Variants in ADAM18 observed in about 807,000 individuals in gnomAD.
ADAM18 encodes disintegrin and metalloproteinase domain-containing protein 18.
In ADAM18, 117 loss-of-function variants were observed where a neutral mutation model predicts 94.4. That is an observed-to-expected ratio of 1.24 (90% CI 1.07 to 1.45). The LOEUF (loss-of-function observed/expected upper bound fraction) is 1.45, where lower values mean the gene tolerates loss of function less well. Among genes scored for constraint, ADAM18 ranks in the 40% most tolerant of loss-of-function variants. ADAM18 has a pLI of 0.00. For synonymous variants in ADAM18, 327 were observed against 291.6 expected (o/e 1.12, Z -1.24); for missense variants, 936 against 880.0 (o/e 1.06, Z -0.81).
chr8:39,603,556 G>A (rs1818971120), intron 2 of ADAM18, among the ~76,000 whole-genome samples: 1 of 152,114 alleles, frequency 6.6e-6, no homozygotes, highest in Non-Finnish European at 1.5e-5. Flanking sequence ...ACAGTATAGT[G>A]TAAACATAAC....
chr8:39,671,724 T>C (rs901885156), intron 14 of ADAM18, among the ~76,000 whole-genome samples: 1 of 152,154 alleles, frequency 6.6e-6, no homozygotes, highest in Non-Finnish European at 1.5e-5. Flanking sequence ...ACACGAAGTG[T>C]ATTCTCATCA....
intron 17 of ADAM18, 27 bp from the exon 18 acceptor site, chr8:39,706,763 A>G (rs775680552): frequency 1.5e-6 from 2 of 1,344,666 alleles, no homozygotes; most frequent in South Asian, 2.4e-5. Flanking sequence ...AGACGACTCA[A>G]ACTGTTTCTG....
At chr8:39,611,657 C>T (rs954225617) in intron 6 of ADAM18, 1 of 886,910 alleles carries the variant, frequency 1.1e-6, no homozygotes, top group Non-Finnish European at 1.4e-6. Flanking sequence ...GTTGGACAAA[C>T]TGCACATTAA....
chr8:39,598,216 C>T (rs1477661682), intron 2 of ADAM18, among the ~76,000 whole-genome samples: 1 of 151,954 alleles, frequency 6.6e-6, no homozygotes, highest in African/African-American at 2.4e-5. Context: ...CATCTATGAA[C>T]AAAGACAGTT....
chr8:39,699,772 T>G (rs1014268217), intron 17 of ADAM18, among the ~76,000 whole-genome samples: 1 of 152,158 alleles, frequency 6.6e-6, no homozygotes, highest in Non-Finnish European at 1.5e-5. Flanking sequence ...AGAAGGATCT[T>G]CAAGGAGTGA....
At chr8:39,635,100 G>T (rs2129579224) in intron 7 of ADAM18, among the ~76,000 whole-genome samples, 1 of 152,258 alleles carries the variant, frequency 6.6e-6, no homozygotes, top group East Asian at 1.9e-4. Flanking sequence ...TCTGCCTTCT[G>T]CCATGTGAGG....
At chr8:39,707,484 T>C (rs926488825) in intron 18 of ADAM18, among the ~76,000 whole-genome samples, 2 of 152,224 alleles carry the variant, frequency 1.3e-5, no homozygotes, top group Non-Finnish European at 2.9e-5. Context: ...GTCTTTTCTG[T>C]CTTAACTAAG....
intron 9 of ADAM18, 111 bp from the exon 10 acceptor site, chr8:39,638,354 A>G: frequency 1.6e-6 from 1 of 608,194 alleles, no homozygotes; most frequent in Non-Finnish European, 2.8e-6. Flanking sequence ...TTGAAGCTTT[A>G]TATATTTGCA....
At chr8:39,703,527 G>C (rs934773565) in intron 17 of ADAM18, among the ~76,000 whole-genome samples, 1 of 151,954 alleles carries the variant, frequency 6.6e-6, no homozygotes, top group South Asian at 2.1e-4. Flanking sequence ...TGTTAAATAG[G>C]ATTGGTGAGA....
intron 16 of ADAM18, among the ~76,000 whole-genome samples, chr8:39,689,815 C>G (rs1450864039): frequency 6.6e-6 from 1 of 152,134 alleles, no homozygotes; most frequent in East Asian, 1.9e-4. Flanking sequence ...TATATTGATT[C>G]TTCCTGTCCT....
At chr8:39,613,247 C>A (rs1246616118) in intron 6 of ADAM18, among the ~76,000 whole-genome samples, 1 of 152,204 alleles carries the variant, frequency 6.6e-6, no homozygotes, top group African/African-American at 2.4e-5. Context: ...TTGTTGCCAG[C>A]ATATCAGGAA....
Position 39,609,515 on chromosome 8 carries a change from G to C in ADAM18, c.298G>C (p.Glu100Gln), listed in dbSNP as rs374296414. The change falls in exon 5 of 20, where the codon GAA (glutamate) becomes CAA (glutamine). Residue 100 changes from glutamate (E) to glutamine (Q), a missense_variant. Transcript: ENST00000265707. Reference sequence around the variant, plus strand: ...TTGCCATTACCAAGGATATGCTGCCGAATTTCCAAATTCATTTGTGACACT... The same window carrying C: ...TTGCCATTACCAAGGATATGCTGCCCAATTTCCAAATTCATTTGTGACACT... Reference protein sequence around the residue: ...MHCHYQGYAAEFPNSFVTLSI... With the variant: ...MHCHYQGYAAQFPNSFVTLSI... The C allele has an allele frequency of 1.2e-6, 2 of 1,610,994 alleles. No individual in the cohort carries two copies. The highest frequency in any genetic ancestry group is 1.7e-6 in the Non-Finnish European group (2 of 1,178,144).
intron 14 of ADAM18, among the ~76,000 whole-genome samples, chr8:39,671,529 G>A (rs1357065556): frequency 6.6e-6 from 1 of 152,296 alleles, no homozygotes; most frequent in Admixed American, 6.5e-5. Context: ...CTCTATATAA[G>A]TTTGAATTCC....
chr8:39,720,054 GTAAA>G (rs1186858462), intron 18 of ADAM18, among the ~76,000 whole-genome samples: 1 of 131,706 alleles, frequency 7.6e-6, no homozygotes, highest in East Asian at 2.0e-4. Flanking sequence ...TGGAAACAAT[GTAAA>G]TATAAATCAA....
At chr8:39,673,119 T>C (rs1821203082) in intron 14 of ADAM18, among the ~76,000 whole-genome samples, 1 of 152,196 alleles carries the variant, frequency 6.6e-6, no homozygotes, top group South Asian at 2.1e-4. Context: ...GTTGGCTATA[T>C]ATTACACACA....
At chr8:39,617,561 A>G (rs1355264217) in intron 6 of ADAM18, among the ~76,000 whole-genome samples, 1 of 152,208 alleles carries the variant, frequency 6.6e-6, no homozygotes, top group Non-Finnish European at 1.5e-5. Context: ...AGTACTATTC[A>G]CAGTAGCAAA....
Position 39,586,604 on chromosome 8 carries a change from G to A in ADAM18, c.132+1252G>A, listed in dbSNP as rs143671063. On this transcript the variant is annotated intron_variant, in intron 2 of 19. Coordinates refer to ENST00000265707, the MANE Select transcript of ADAM18 (RefSeq NM_014237.3). ...TAACTGGGTGTGGTGGTGTGTGCCTGTAGTCCCAGCTGTTCTGGAGGCTGA... is the reference window on the plus strand; with the variant it reads ...TAACTGGGTGTGGTGGTGTGTGCCTATAGTCCCAGCTGTTCTGGAGGCTGA... 7.2e-3 allele frequency among the ~76,000 whole-genome samples: 1,090 copies of A among 152,258 alleles called. 13 individuals carry two copies. Among genetic ancestry groups the A allele is most frequent in the African/African-American group, 0.025 (1,029 of 41,536 alleles).
chr8:39,664,868 A>G (rs556149887), intron 13 of ADAM18, among the ~76,000 whole-genome samples: 4 of 152,232 alleles, frequency 2.6e-5, no homozygotes, highest in Non-Finnish European at 5.9e-5. Context: ...CCTTAGTAGC[A>G]AGATATTTTA....
At chr8:39,590,518 T>A (rs1045701187) in intron 2 of ADAM18, among the ~76,000 whole-genome samples, 1 of 152,104 alleles carries the variant, frequency 6.6e-6, no homozygotes, top group African/African-American at 2.4e-5. Flanking sequence ...CGCACCAGCA[T>A]GGCACATGTA....
Sources: gnomAD v4.1 joint callset for allele counts (sites outside exome capture counted in the v4.1 genomes callset) on GRCh38, gnomAD v4.1.1 for gene constraint, MANE v1.5 for transcripts, NCBI Gene and HGNC (gene_info 2026-07-23, HGNC 2026-07-21) for gene names.